Variants in NEGR1 observed in about 807,000 individuals in gnomAD.
The protein encoded by NEGR1 is IgLON family member 4.
NEGR1 carries 10 observed loss-of-function variants against 40.9 expected under a neutral mutation model. The ratio of observed to expected loss-of-function variants is 0.24; its 90% CI spans 0.15 to 0.42. NEGR1 has a LOEUF of 0.42. Among genes scored for constraint, NEGR1 ranks in the 10% least tolerant of loss-of-function variants. NEGR1 has a pLI of 1.00. For missense variants in NEGR1, 352 were observed against 438.9 expected (o/e 0.80, Z 1.77); for synonymous variants, 185 against 166.8 (o/e 1.11, Z -0.84).
At chr1:72,155,651 T>A (rs1240931685) in intron 1 of NEGR1, among the ~76,000 whole-genome samples, 1 of 152,070 alleles carries the variant, frequency 6.6e-6, no homozygotes, top group Non-Finnish European at 1.5e-5. Context: ...ATTCCAATAT[T>A]AATAAAGCCA....
intron 4 of NEGR1, among the ~76,000 whole-genome samples, chr1:71,652,824 A>T (rs1651760570): frequency 6.6e-6 from 1 of 152,064 alleles, no homozygotes; most frequent in African/African-American, 2.4e-5. Context: ...AGATCATACT[A>T]CTGCATTCCA....
chr1:72,195,802 C>T (rs1652981071), intron 1 of NEGR1, among the ~76,000 whole-genome samples: 3 of 151,900 alleles, frequency 2.0e-5, no homozygotes, highest in Admixed American at 1.3e-4. Context: ...CCTTGTGTGG[C>T]CATTACATTA....
intron 6 of NEGR1, among the ~76,000 whole-genome samples, chr1:71,471,764 A>G (rs531286168): frequency 1.3e-5 from 2 of 152,214 alleles, no homozygotes; most frequent in African/African-American, 4.8e-5. Flanking sequence ...GCAGTCTCCT[A>G]TGTTACCCAG....
intron 1 of NEGR1, among the ~76,000 whole-genome samples, chr1:72,183,027 C>A (rs546776933): frequency 1.5e-4 from 22 of 151,684 alleles, no homozygotes; most frequent in African/African-American, 5.4e-4. Context: ...AAATCTAGAT[C>A]TCTTGTCTCC....
chr1:72,197,267 A>C, intron 1 of NEGR1, among the ~76,000 whole-genome samples: 1 of 152,018 alleles, frequency 6.6e-6, no homozygotes, highest in East Asian at 1.9e-4. Flanking sequence ...AGTATTTAAA[A>C]ATGAGTATCG....
chr1:72,102,402 AT>A (rs1445572506), intron 1 of NEGR1, among the ~76,000 whole-genome samples: 13 of 152,090 alleles, frequency 8.5e-5, no homozygotes, highest in African/African-American at 3.1e-4. Flanking sequence ...TTTAGCATAA[AT>A]ACTGTAGTTT....
chr1:71,974,859 C>G (rs1228645558), intron 1 of NEGR1, among the ~76,000 whole-genome samples: 1 of 151,918 alleles, frequency 6.6e-6, no homozygotes, highest in Non-Finnish European at 1.5e-5. Context: ...ATTCAGTTTC[C>G]CACTGAAATT....
chr1:71,638,590 T>C (rs1651239971), intron 4 of NEGR1, among the ~76,000 whole-genome samples: 1 of 152,072 alleles, frequency 6.6e-6, no homozygotes, highest in South Asian at 2.1e-4. Flanking sequence ...TCTAAGCACA[T>C]TTCATGTGCC....
At chr1:71,505,647 T>C (rs1647027850) in intron 6 of NEGR1, among the ~76,000 whole-genome samples, 1 of 152,184 alleles carries the variant, frequency 6.6e-6, no homozygotes, top group Admixed American at 6.5e-5. Context: ...ATCTAAACGA[T>C]GCATTTTGGG....
chr1:72,153,235 A>G (rs2821300), intron 1 of NEGR1, among the ~76,000 whole-genome samples: 138,077 of 151,644 alleles, frequency 0.91, 63,767 homozygotes, highest in East Asian at 1. Context: ...GACATGATAG[A>G]GATGATCAAT....
chr1:71,565,209 T>C (rs754294617), intron 6 of NEGR1, among the ~76,000 whole-genome samples: 8 of 152,098 alleles, frequency 5.3e-5, no homozygotes, highest in African/African-American at 1.9e-4. Flanking sequence ...CAAAACAGGG[T>C]TGGATCAGAT....
chr1:71,418,782 G>A (rs1402158350), intron 6 of NEGR1, among the ~76,000 whole-genome samples: 4 of 151,808 alleles, frequency 2.6e-5, no homozygotes, highest in Non-Finnish European at 4.4e-5. Context: ...CCTAGATTTC[G>A]CATTTCTAAA....
At chr1:71,822,375 C>A (rs1658461884) in intron 2 of NEGR1, among the ~76,000 whole-genome samples, 1 of 151,962 alleles carries the variant, frequency 6.6e-6, no homozygotes, top group East Asian at 1.9e-4. Context: ...ACCAAGTGGA[C>A]AAAATGATCT....
chr1:72,208,489 T>C (rs1219719332), intron 1 of NEGR1, among the ~76,000 whole-genome samples: 2 of 151,632 alleles, frequency 1.3e-5, no homozygotes, highest in Admixed American at 6.6e-5. Flanking sequence ...TTTCTTCCCG[T>C]ATAATTTTTT....
chr1:72,122,892 A>C (rs565358936), intron 1 of NEGR1, among the ~76,000 whole-genome samples: 1 of 152,122 alleles, frequency 6.6e-6, no homozygotes, highest in South Asian at 2.1e-4. Context: ...TATTTTCAAA[A>C]GACAAAATAA....
At chr1:71,953,801 A>C (rs951781035) in intron 1 of NEGR1, among the ~76,000 whole-genome samples, 1 of 151,928 alleles carries the variant, frequency 6.6e-6, no homozygotes, top group African/African-American at 2.4e-5. Flanking sequence ...ATTTTTAATA[A>C]GAAAGTGTTT....
intron 1 of NEGR1, among the ~76,000 whole-genome samples, chr1:72,157,229 C>T (rs1651393225): frequency 6.6e-6 from 1 of 152,120 alleles, no homozygotes; most frequent in South Asian, 2.1e-4. Context: ...CTTTGGCCTC[C>T]CAAAGTGTTG....
chr1:71,637,244 C>T (rs1451801691), intron 4 of NEGR1, among the ~76,000 whole-genome samples: 1 of 151,940 alleles, frequency 6.6e-6, no homozygotes, highest in Admixed American at 6.6e-5. Context: ...TTTCAAGTTC[C>T]ATGTTTATTC....
intron 1 of NEGR1, among the ~76,000 whole-genome samples, chr1:72,087,354 C>T (rs1648261955): frequency 6.6e-6 from 1 of 151,948 alleles, no homozygotes; most frequent in African/African-American, 2.4e-5. Context: ...TCGCTTGAAC[C>T]CGGGAGGCGG....
Sources: allele counts gnomAD v4.1 joint callset (sites outside exome capture counted in the v4.1 genomes callset), GRCh38; gene constraint gnomAD v4.1.1; transcripts MANE v1.5; gene names NCBI Gene and HGNC (gene_info 2026-07-23, HGNC 2026-07-21).